The following TPD52 variants were observed in gnomAD, a reference collection of about 807,000 sequenced individuals.
TPD52 encodes tumor protein D52.
A neutral mutation model predicts 31.3 loss-of-function variants in TPD52; 17 were observed. The observed-to-expected ratio is 0.54, with a 90% CI of 0.37 to 0.82. The LOEUF (loss-of-function observed/expected upper bound fraction) is 0.82. Among genes scored for constraint, TPD52 ranks in the 40% least tolerant of loss-of-function variants. The probability of loss-of-function intolerance (pLI) is 0.00; values close to 1 mark genes in which losing one functional copy is unlikely to be tolerated. For synonymous variants in TPD52, 83 were observed against 89.6 expected (o/e 0.93, Z 0.42); for missense variants, 212 against 240.1 (o/e 0.88, Z 0.77).
At chr8:80,104,601 AG>A (rs1172801116) in intron 1 of TPD52, among the ~76,000 whole-genome samples, 1 of 149,964 alleles carries the variant, frequency 6.7e-6, no homozygotes, top group African/African-American at 2.4e-5. Flanking sequence ...AACAGAAATG[AG>A]AAGTATTTTT....
At chr8:80,158,108 A>G (rs1345398779) in intron 1 of TPD52, among the ~76,000 whole-genome samples, 1 of 152,190 alleles carries the variant, frequency 6.6e-6, no homozygotes. Context: ...ATAGCCAAGC[A>G]AATTCCCATC....
At chr8:80,090,896 C>T (rs1204657989) in intron 1 of TPD52, among the ~76,000 whole-genome samples, 1 of 152,202 alleles carries the variant, frequency 6.6e-6, no homozygotes, top group Non-Finnish European at 1.5e-5. Flanking sequence ...TTAGGAACCC[C>T]TAACAGTCTA....
At chr8:80,060,261 C>G (rs1178991330) in intron 2 of TPD52, among the ~76,000 whole-genome samples, 1 of 148,152 alleles carries the variant, frequency 6.7e-6, no homozygotes, top group Non-Finnish European at 1.5e-5. Flanking sequence ...CAATTGTACA[C>G]CAACATACTA....
intron 1 of TPD52, among the ~76,000 whole-genome samples, chr8:80,143,106 C>A (rs1366769954): frequency 6.6e-6 from 1 of 152,138 alleles, no homozygotes; most frequent in Non-Finnish European, 1.5e-5. Flanking sequence ...AGGAAAGTAC[C>A]TACTTCATGG....
At chr8:80,070,437 C>T (rs1200825912) in intron 1 of TPD52, among the ~76,000 whole-genome samples, 2 of 152,076 alleles carry the variant, frequency 1.3e-5, no homozygotes, top group South Asian at 2.1e-4. Flanking sequence ...TTTTCCACGG[C>T]GGTTGGGGGT....
chr8:80,060,827 T>C (rs1367376756), intron 2 of TPD52, among the ~76,000 whole-genome samples: 1 of 150,120 alleles, frequency 6.7e-6, no homozygotes, highest in Admixed American at 6.6e-5. Context: ...TCAACGCAAG[T>C]GCATTTGTGA....
intron 1 of TPD52, among the ~76,000 whole-genome samples, chr8:80,120,713 T>C (rs1444571436): frequency 6.6e-6 from 1 of 152,156 alleles, no homozygotes; most frequent in Non-Finnish European, 1.5e-5. Context: ...AAGATAAATA[T>C]TTCACACTAA....
intron 2 of TPD52, among the ~76,000 whole-genome samples, chr8:80,059,915 T>C (rs1236230718): frequency 1.3e-5 from 2 of 151,824 alleles, no homozygotes; most frequent in Non-Finnish European, 1.5e-5. Context: ...ACCTCGTCTC[T>C]ACTAAAAATA....
At chr8:80,047,004 T>C (rs1810929391) in intron 5 of TPD52, among the ~76,000 whole-genome samples, 1 of 152,176 alleles carries the variant, frequency 6.6e-6, no homozygotes, top group Non-Finnish European at 1.5e-5. Context: ...GCTTACTATA[T>C]ACCACGTATG....
At chr8:80,094,388 T>C (rs1464518194) in intron 1 of TPD52, among the ~76,000 whole-genome samples, 6 of 138,858 alleles carry the variant, frequency 4.3e-5, no homozygotes, top group African/African-American at 1.5e-4. Context: ...TCCTTTGCAG[T>C]TAGATGTGGC....
intron 1 of TPD52, among the ~76,000 whole-genome samples, chr8:80,100,106 T>C (rs1806628259): frequency 6.6e-6 from 1 of 152,206 alleles, no homozygotes; most frequent in African/African-American, 2.4e-5. Context: ...AAATTTAGAT[T>C]CTTGATAAAG....
intron 1 of TPD52, among the ~76,000 whole-genome samples, chr8:80,102,096 T>C (rs1162939954): frequency 2.0e-5 from 3 of 152,174 alleles, no homozygotes; most frequent in Non-Finnish European, 4.4e-5. Flanking sequence ...TAAAACAAAT[T>C]ACTCCAAAAC....
chr8:80,143,788 G>C (rs1292653889), intron 1 of TPD52, among the ~76,000 whole-genome samples: 1 of 152,122 alleles, frequency 6.6e-6, no homozygotes, highest in Non-Finnish European at 1.5e-5. Flanking sequence ...TAGTTCCATT[G>C]CAACAGGAAG....
At chr8:80,145,562 A>G (rs1810136663) in intron 1 of TPD52, among the ~76,000 whole-genome samples, 1 of 152,228 alleles carries the variant, frequency 6.6e-6, no homozygotes, top group Admixed American at 6.5e-5. Context: ...TAGGAATCAT[A>G]AGAATTTTTC....
At chr8:80,138,750 G>A (rs1170167308) in intron 1 of TPD52, among the ~76,000 whole-genome samples, 1 of 152,048 alleles carries the variant, frequency 6.6e-6, no homozygotes, top group East Asian at 1.9e-4. Context: ...CGCTATTTAA[G>A]GACACTGGCT....
intron 1 of TPD52, among the ~76,000 whole-genome samples, chr8:80,083,030 A>G (rs1815443717): frequency 6.6e-6 from 1 of 152,212 alleles, no homozygotes; most frequent in African/African-American, 2.4e-5. Flanking sequence ...AGTGAAATCT[A>G]GAAGTGGGAA....
chr8:80,053,507 C>T (rs1328855061), intron 2 of TPD52, 77 bp from the exon 3 acceptor site: 12 of 1,416,978 alleles, frequency 8.5e-6, no homozygotes, highest in Admixed American at 2.1e-5. Flanking sequence ...AGAACTACAT[C>T]CAAAATTCCA....
intron 7 of TPD52, among the ~76,000 whole-genome samples, chr8:80,040,374 G>A (rs7002173): frequency 6.6e-6 from 1 of 151,776 alleles, no homozygotes; most frequent in Non-Finnish European, 1.5e-5. Flanking sequence ...GTTTTTGGTA[G>A]AGACAGGGTT....
At chr8:80,050,266 C>T in intron 5 of TPD52, 179 bp downstream of exon 5, 1 of 465,546 alleles carries the variant, frequency 2.1e-6, no homozygotes, top group South Asian at 5.3e-5. Flanking sequence ...ATCAACTACC[C>T]ATGGTATACA....
Sources: allele counts gnomAD v4.1 joint callset (sites outside exome capture counted in the v4.1 genomes callset), GRCh38; gene constraint gnomAD v4.1.1; transcripts MANE v1.5; gene names NCBI Gene and HGNC (gene_info 2026-07-23, HGNC 2026-07-21).